JAK1: variants seen among roughly 807,000 people sequenced by gnomAD.
The protein encoded by JAK1 is Janus kinase 1, also known as tyrosine-protein kinase JAK1.
Under a neutral mutation model 136.6 loss-of-function variants are expected in JAK1, and 16 were observed. That is an observed-to-expected ratio of 0.12 (90% CI 0.08 to 0.18). The LOEUF (loss-of-function observed/expected upper bound fraction) is 0.18, where lower values mean the gene tolerates loss of function less well. JAK1 is among the 10% of genes least tolerant of loss of function. JAK1 has a pLI of 1.00. For synonymous variants in JAK1, 492 were observed against 519.5 expected, an observed-to-expected ratio of 0.95 and a Z score of 0.72; for missense variants, 859 against 1,450.1, an observed-to-expected ratio of 0.59 and a Z score of 6.62.
chr1:64,900,554 T>C (rs1302907585), intron 1 of JAK1, among the ~76,000 whole-genome samples: 1 of 152,136 alleles, frequency 6.6e-6, no homozygotes, highest in Non-Finnish European at 1.5e-5. Flanking sequence ...ACTGCGACCA[T>C]ATCCACTTGG....
At chr1:64,974,162 T>A (rs532206077) in intron 2 of JAK1, 1 of 152,292 alleles carries the variant, frequency 6.6e-6, no homozygotes, top group East Asian at 1.9e-4. Context: ...TTTGGTATTG[T>A]CCTAAAATCA....
At chr1:65,026,963 C>A (rs1347193015) in intron 2 of JAK1, among the ~76,000 whole-genome samples, 1 of 151,646 alleles carries the variant, frequency 6.6e-6, no homozygotes, top group Admixed American at 6.6e-5. Flanking sequence ...AAAATAAAAA[C>A]CATTTTTTTT....
chr1:65,051,435 C>T (rs1647281081), intron 1 of JAK1, among the ~76,000 whole-genome samples: 1 of 152,062 alleles, frequency 6.6e-6, no homozygotes, highest in African/African-American at 2.4e-5. Flanking sequence ...AAGGTATCAG[C>T]AAATGTAGCA....
chr1:64,934,374 G>A (rs1569603722), intron 1 of JAK1, among the ~76,000 whole-genome samples: 1 of 152,202 alleles, frequency 6.6e-6, no homozygotes, highest in Admixed American at 6.5e-5. Flanking sequence ...AAGGCTGGAG[G>A]CAGCCACACC....
At chr1:64,923,535 G>A (rs1557695567) in intron 1 of JAK1, among the ~76,000 whole-genome samples, 2 of 152,186 alleles carry the variant, frequency 1.3e-5, no homozygotes, top group Admixed American at 6.5e-5. Flanking sequence ...ATTGGTTGCT[G>A]TGGTGACTAT....
rs770192397 is a variant in JAK1 at position 64,834,621 on chromosome 1, G to A, written c.3406C>T (p.Pro1136Ser). ...QLMRKCWEFQ[P>S]SNRTSFQNLI... ...TTCTGAAAGCTTGTCCGATTGGATGGTTGGAATTCCCAGCATTTCCTCATA... is the reference window on the plus strand; with the variant it reads ...TTCTGAAAGCTTGTCCGATTGGATGATTGGAATTCCCAGCATTTCCTCATA... Residue 1136 changes from proline (P) to serine (S), a missense_variant, in exon 25 of 25, where the codon CCA (proline) becomes TCA (serine). Pro to Ser is a moderately conservative substitution (Grantham distance 74, BLOSUM62 -1). Coordinates refer to ENST00000342505, the MANE Select transcript of JAK1 (RefSeq NM_002227.4). The A allele has an allele frequency of 6.2e-7, 1 of 1,612,340 alleles. No individual in the cohort carries two copies. The highest frequency in any genetic ancestry group is 8.5e-7 in the Non-Finnish European group (1 of 1,178,640).
At chr1:65,059,859 T>C (rs1446568890) in intron 1 of JAK1, among the ~76,000 whole-genome samples, 1 of 152,208 alleles carries the variant, frequency 6.6e-6, no homozygotes, top group Non-Finnish European at 1.5e-5. Flanking sequence ...ATTAGCACTG[T>C]ACTTCAAATA....
chr1:65,064,973 A>C (rs1377166684), intron 1 of JAK1, among the ~76,000 whole-genome samples: 1 of 152,208 alleles, frequency 6.6e-6, no homozygotes, highest in Non-Finnish European at 1.5e-5. Flanking sequence ...CTTTTCTGAA[A>C]TACACGGTAA....
At chr1:64,929,147 C>T (rs541686238) in intron 1 of JAK1, among the ~76,000 whole-genome samples, 106 of 152,340 alleles carry the variant, frequency 7.0e-4, no homozygotes, top group South Asian at 1.4e-3. Flanking sequence ...CCAGGTAAAT[C>T]TCAGGCACAT....
intron 2 of JAK1, chr1:64,979,913 T>C (rs563977734): frequency 6.6e-6 from 1 of 152,358 alleles, no homozygotes; most frequent in African/African-American, 2.4e-5. Context: ...AATTGGCATT[T>C]ATATCCTTCC....
At chr1:64,846,563 T>C (rs1327692897) in intron 14 of JAK1, 86 bp downstream of exon 14, 1 of 943,048 alleles carries the variant, frequency 1.1e-6, no homozygotes, top group Non-Finnish European at 1.7e-6. Context: ...CTGGGCAACG[T>C]GAGGGTGGGA....
At chr1:64,958,646 T>C (rs1043981948) in intron 1 of JAK1, among the ~76,000 whole-genome samples, 1 of 152,228 alleles carries the variant, frequency 6.6e-6, no homozygotes, top group Middle Eastern at 3.2e-3. Context: ...GAAAGACACA[T>C]ATTTGGCAGA....
intron 2 of JAK1, among the ~76,000 whole-genome samples, chr1:65,010,248 A>C (rs1646837294): frequency 6.6e-6 from 1 of 152,186 alleles, no homozygotes; most frequent in Non-Finnish European, 1.5e-5. Flanking sequence ...AGAGACTAAG[A>C]CATACAAGGC....
At chr1:65,053,040 A>G (rs1392980635) in intron 1 of JAK1, among the ~76,000 whole-genome samples, 2 of 147,550 alleles carry the variant, frequency 1.4e-5, no homozygotes, top group Non-Finnish European at 3.0e-5. Flanking sequence ...CAAAAAAAAA[A>G]AAAAAAAAAA....
At chr1:65,029,986 T>C (rs1203561428) in intron 2 of JAK1, among the ~76,000 whole-genome samples, 9 of 151,924 alleles carry the variant, frequency 5.9e-5, no homozygotes, top group Non-Finnish European at 1.3e-4. Flanking sequence ...TTATGGACTG[T>C]GTGTTCCCCC....
At chr1:64,980,899 T>C (rs986175798) in intron 2 of JAK1, among the ~76,000 whole-genome samples, 4 of 152,202 alleles carry the variant, frequency 2.6e-5, no homozygotes, top group African/African-American at 9.7e-5. Context: ...ACAAAGGACA[T>C]GAACTCATCA....
At chr1:64,971,448 C>T (rs1240518619), upstream of JAK1, among the ~76,000 whole-genome samples, 6 of 152,170 alleles carry the variant, frequency 3.9e-5, no homozygotes, top group Admixed American at 2.6e-4. Context: ...CAGCCTCAAT[C>T]GATCCTCCTG....
chr1:64,878,636 A>G (rs1032817020), intron 4 of JAK1, among the ~76,000 whole-genome samples: 2 of 143,188 alleles, frequency 1.4e-5, no homozygotes, highest in African/African-American at 2.6e-5. Context: ...TACTTAGGTT[A>G]TGTATATATG....
chr1:65,047,875 G>A (rs1233582425), intron 1 of JAK1, among the ~76,000 whole-genome samples: 2 of 152,106 alleles, frequency 1.3e-5, no homozygotes, highest in Non-Finnish European at 2.9e-5. Context: ...GGGACAGGGA[G>A]GGGGATGTGG....
Sources: gnomAD v4.1 joint callset for allele counts (sites outside exome capture counted in the v4.1 genomes callset) on GRCh38, gnomAD v4.1.1 for gene constraint, MANE v1.5 for transcripts, NCBI Gene and HGNC (gene_info 2026-07-23, HGNC 2026-07-21) for gene names.